FCRL2: variants seen among roughly 807,000 people sequenced by gnomAD.
The protein encoded by FCRL2 is Fc receptor-like protein 2.
Under a neutral mutation model 59.8 loss-of-function variants are expected in FCRL2, and 48 were observed. That is an observed-to-expected ratio of 0.80 (90% confidence interval 0.64 to 1.02). The LOEUF is 1.02. FCRL2 is among the 50% of genes least tolerant of loss of function. The pLI, the probability that FCRL2 is intolerant of heterozygous loss-of-function variation, is 0.00. For missense variants in FCRL2, 658 were observed against 597.3 expected (o/e 1.10, Z -1.06); for synonymous variants, 251 against 229.5 (o/e 1.09, Z -0.85).
chr1:157,768,663 G>C lies in FCRL2; in HGVS notation c.634C>G (p.Pro212Ala). 6.2e-7 allele frequency: 1 copy of C among 1,613,846 alleles called. No individual in the cohort carries two copies. The highest frequency in any genetic ancestry group is 1.1e-5 in the South Asian group (1 of 91,052). Residue 212 changes from proline to alanine, a missense_variant, in exon 5 of 12, where the codon CCC (proline) becomes GCC (alanine). Pro to Ala is a conservative substitution (Grantham distance 27, BLOSUM62 -1). Transcript: ENST00000361516. ...ISNVSLEIRA[P>A]GGQVTEGQKL... Reference sequence around the variant, plus strand: ...TGTCCTTCAGTCACCTGTCCCCCGGGGGCCCGGATCTCCAAGCTTACATTA... The same window carrying C: ...TGTCCTTCAGTCACCTGTCCCCCGGCGGCCCGGATCTCCAAGCTTACATTA...
chr1:157,761,661 G>A (rs1448103942), intron 7 of FCRL2, among the ~76,000 whole-genome samples: 1 of 152,130 alleles, frequency 6.6e-6, no homozygotes, highest in African/African-American at 2.4e-5. Flanking sequence ...GATAATATAT[G>A]TAAACCTGCC....
intron 5 of FCRL2, chr1:157,767,777 A>G (rs1233650393): frequency 8.0e-7 from 1 of 1,255,150 alleles, no homozygotes; most frequent in Non-Finnish European, 1.0e-6. Context: ...CCCTCTTCAT[A>G]TTTCTTTTTT....
chr1:157,753,289 G>GC (rs1324668021), intron 7 of FCRL2, among the ~76,000 whole-genome samples: 1 of 152,080 alleles, frequency 6.6e-6, no homozygotes, highest in Non-Finnish European at 1.5e-5. Context: ...CCACAAAACT[G>GC]CCCCCAACCC....
intron 7 of FCRL2, among the ~76,000 whole-genome samples, chr1:157,754,122 G>T (rs1335935202): frequency 6.6e-6 from 1 of 152,092 alleles, no homozygotes; most frequent in Non-Finnish European, 1.5e-5. Context: ...CAGGAGTTGG[G>T]TAAAATGAGG....
intron 7 of FCRL2, among the ~76,000 whole-genome samples, chr1:157,759,275 C>G (rs1010200608): frequency 2.2e-4 from 33 of 152,164 alleles, no homozygotes; most frequent in African/African-American, 8.0e-4. Flanking sequence ...GATTAAACCT[C>G]TTTCCTTTGT....
At chr1:157,755,081 G>A (rs1648486434) in intron 7 of FCRL2, among the ~76,000 whole-genome samples, 1 of 152,070 alleles carries the variant, frequency 6.6e-6, no homozygotes, top group Non-Finnish European at 1.5e-5. Flanking sequence ...ATACTGATAA[G>A]TTAGACCACA....
chr1:157,756,044 G>C (rs541321235), intron 7 of FCRL2, among the ~76,000 whole-genome samples: 1 of 152,168 alleles, frequency 6.6e-6, no homozygotes, highest in Non-Finnish European at 1.5e-5. Context: ...CACTCTGAAA[G>C]GGACTATGTT....
chr1:157,772,022 A>G (rs1650059427), intron 2 of FCRL2, among the ~76,000 whole-genome samples: 1 of 144,990 alleles, frequency 6.9e-6, no homozygotes, highest in Non-Finnish European at 1.5e-5. Context: ...TTGGGGAACA[A>G]TCTGATTATA....
intron 7 of FCRL2, 180 bp downstream of exon 7, chr1:157,766,675 A>ATAAT: frequency 2.3e-6 from 2 of 882,048 alleles, no homozygotes. Context: ...GACATATTGT[A>ATAAT]TAATTAGCAG....
intron 7 of FCRL2, among the ~76,000 whole-genome samples, chr1:157,751,657 A>C (rs901796132): frequency 6.6e-6 from 1 of 152,194 alleles, no homozygotes; most frequent in African/African-American, 2.4e-5. Context: ...CAAAGCTTGA[A>C]GCCATTTCAA....
chr1:157,773,556 A>T (rs918622153), intron 2 of FCRL2, among the ~76,000 whole-genome samples: 2 of 152,212 alleles, frequency 1.3e-5, no homozygotes, highest in Non-Finnish European at 2.9e-5. Context: ...AAGTTGGTTC[A>T]TAGTTTCATA....
chr1:157,766,622 G>A (rs555385179), intron 7 of FCRL2: 32 of 547,170 alleles, frequency 5.8e-5, no homozygotes, highest in Non-Finnish European at 8.8e-5. Context: ...TGGAAAGAAT[G>A]TGTAAATAAT....
chr1:157,765,291 A>G (rs1433912721), intron 7 of FCRL2, among the ~76,000 whole-genome samples: 1 of 152,186 alleles, frequency 6.6e-6, no homozygotes, highest in African/African-American at 2.4e-5. Context: ...GCAAGATTGA[A>G]CCATTAATAA....
chr1:157,765,560 G>A (rs6699379), intron 7 of FCRL2, among the ~76,000 whole-genome samples: 2,606 of 152,320 alleles, frequency 0.017, 64 homozygotes, highest in African/African-American at 0.058. Context: ...ACGAGAAGGG[G>A]CTCAGGGAGA....
intron 7 of FCRL2, among the ~76,000 whole-genome samples, chr1:157,761,407 G>T (rs1649094296): frequency 6.6e-6 from 1 of 152,166 alleles, no homozygotes; most frequent in South Asian, 2.1e-4. Flanking sequence ...CTTGAGCTCA[G>T]GAGTTCGAGA....
chr1:157,769,955 C>T lies in FCRL2; in HGVS notation c.506G>A (p.Ser169Asn), dbSNP rs1330992530. The T allele has an allele frequency of 1.2e-6, 2 of 1,614,090 alleles. No individual in the cohort carries two copies. Among genetic ancestry groups the T allele is most frequent in the Non-Finnish European group, 1.7e-6 (2 of 1,180,046 alleles). Reference sequence around the variant, plus strand: ...GCACCAGTAAGACCCTGTGTCTTCACTCCACACGGCAGAAATCTGGAGCTC... The same window carrying T: ...GCACCAGTAAGACCCTGTGTCTTCATTCCACACGGCAGAAATCTGGAGCTC... The part of the protein sequence containing the change: ...SPELQISAVW[S>N]EDTGSYWCKA... The change falls in exon 4 of 12, where the codon AGT becomes AAT. Residue 169 changes from serine to asparagine, a missense_variant. Physicochemically the swap from Ser to Asn is conservative, Grantham distance 46. Transcript: ENST00000361516.
At chr1:157,761,279 C>T (rs1171288675) in intron 7 of FCRL2, among the ~76,000 whole-genome samples, 1 of 152,014 alleles carries the variant, frequency 6.6e-6, no homozygotes, top group East Asian at 1.9e-4. Flanking sequence ...TGAGTGAGCA[C>T]AAAAAAACCC....
In FCRL2 at chr1:157,769,869, G is replaced by GA; in HGVS notation, c.591_592insT (p.Gln198SerfsTer7). 1 of 1,613,690 alleles carries GA rather than the reference G, an allele frequency of 6.2e-7. No homozygotes were observed. Among genetic ancestry groups the GA allele is most frequent in the Non-Finnish European group, 8.5e-7 (1 of 1,179,664 alleles). Reference sequence around the variant, plus strand: ...GCTCAGCCTCACTGATACTTGCTCTGCACGTGAATCTGGGATTGGAGGCTC... The same window carrying GA: ...GCTCAGCCTCACTGATACTTGCTCTGACACGTGAATCTGGGATTGGAGGCTC... On this transcript the variant is annotated frameshift_variant, in exon 4 of 12. Transcript: ENST00000361516. LOFTEE classifies it high-confidence loss of function.
chr1:157,754,101 T>A (rs1648406735), intron 7 of FCRL2, among the ~76,000 whole-genome samples: 1 of 152,098 alleles, frequency 6.6e-6, no homozygotes, highest in Non-Finnish European at 1.5e-5. Flanking sequence ...CCAGAGCAAC[T>A]CCATCTTGAA....
Sources: allele counts gnomAD v4.1 joint callset (sites outside exome capture counted in the v4.1 genomes callset), GRCh38; gene constraint gnomAD v4.1.1; transcripts MANE v1.5; gene names NCBI Gene and HGNC (gene_info 2026-07-23, HGNC 2026-07-21).